Variants in USP53 observed in about 807,000 individuals in gnomAD.
USP53 encodes the protein ubiquitin specific peptidase 53, also known as ubiquitin carboxyl-terminal hydrolase 53.
Under a neutral mutation model 94.9 loss-of-function variants are expected in USP53, and 71 were observed. The ratio of observed to expected loss-of-function variants is 0.75; its 90% CI spans 0.62 to 0.91. USP53 has a LOEUF of 0.91. Among genes scored for constraint, USP53 ranks in the 40% least tolerant of loss-of-function variants. The probability of loss-of-function intolerance (pLI) is 0.00; values close to 1 mark genes in which losing one functional copy is unlikely to be tolerated. For missense variants in USP53, 1,173 were observed against 1,281.0 expected (o/e 0.92, Z 1.29); for synonymous variants, 375 against 422.7 (o/e 0.89, Z 1.39).
At chr4:119,215,437 G>A (rs1743583493) in intron 2 of USP53, among the ~76,000 whole-genome samples, 1 of 151,924 alleles carries the variant, frequency 6.6e-6, no homozygotes, top group African/African-American at 2.4e-5. Flanking sequence ...TTAATAATAA[G>A]AATACCATAG....
chr4:119,226,983 G>A (rs1489937505), intron 3 of USP53, among the ~76,000 whole-genome samples: 2 of 152,004 alleles, frequency 1.3e-5, no homozygotes, highest in Admixed American at 1.3e-4. Context: ...ATATAGGCAT[G>A]TGCCACCATG....
intron 7 of USP53, among the ~76,000 whole-genome samples, chr4:119,255,877 C>G (rs906635271): frequency 2.0e-5 from 3 of 152,110 alleles, no homozygotes; most frequent in Non-Finnish European, 4.4e-5. Context: ...ATTCAGCCAT[C>G]CAGGATTTTT....
At chr4:119,248,720 A>G (rs772283398) in intron 6 of USP53, 28 bp from the exon 7 acceptor site, 20 of 1,603,506 alleles carry the variant, frequency 1.2e-5, no homozygotes, top group Non-Finnish European at 1.6e-5. Flanking sequence ...CTGGCATTAA[A>G]CTTACTGATT....
chr4:119,291,228 C>A lies in USP53; in HGVS notation c.2315C>A (p.Ser772Ter). ...AAATCTCATGAATTCCACCCAGAAT[C>A]ACATTTACAAATAAAAAATCATTTG... ...GYKSHEFHPE[S>*]HLQIKNHLIK... Residue 772 changes from serine to a stop codon, truncating the protein, a stop_gained, in exon 18 of 19, where the codon TCA (serine) becomes TAA (stop). Coordinates refer to ENST00000692078, the MANE Select transcript of USP53 (RefSeq NM_001371395.1). LOFTEE classifies it low-confidence loss of function (END_TRUNC). 1.5e-6 allele frequency: 2 copies of A among 1,363,828 alleles called. No individual in the cohort carries two copies. Among genetic ancestry groups the A allele is most frequent in the Non-Finnish European group, 1.9e-6 (2 of 1,027,214 alleles). 84.5% of individuals were successfully genotyped at this position (1,363,828 alleles called of 1,614,324 possible). A position where few individuals can be genotyped will look rare whatever the true frequency, so the allele number is the denominator to read the frequency against.
chr4:119,236,606 A>G (rs1185895763), intron 4 of USP53, among the ~76,000 whole-genome samples: 2 of 152,214 alleles, frequency 1.3e-5, no homozygotes, highest in Non-Finnish European at 2.9e-5. Context: ...CAGCATCTTC[A>G]CCAGAAGTTG....
intron 12 of USP53, among the ~76,000 whole-genome samples, chr4:119,266,724 A>G (rs1337699169): frequency 2.0e-5 from 3 of 151,782 alleles, no homozygotes; most frequent in African/African-American, 7.2e-5. Context: ...TTTTTTTTCA[A>G]TTTCTTAATG....
Position 119,268,339 on chromosome 4 carries a change from A to G in USP53, c.1207A>G (p.Arg403Gly). The G allele has an allele frequency of 6.2e-7, 1 of 1,614,118 alleles. No homozygotes were observed. Among genetic ancestry groups the G allele is most frequent in the Non-Finnish European group, 8.5e-7 (1 of 1,179,974 alleles). Residue 403 changes from arginine to glycine, a missense_variant, in exon 14 of 19, where the codon AGA becomes GGA. Transcript: ENST00000692078. The stretch of plus-strand genomic sequence containing the variant: ...TGGATTTGGTGATCAGGCAAAGCAG[A>G]GAGAAAATCAGAAATTTCCAACTGA... ...ENGFGDQAKQRENQKFPTDNI... is the reference protein window; with the variant it reads ...ENGFGDQAKQGENQKFPTDNI...
intron 3 of USP53, chr4:119,219,104 A>C (rs1744175390): frequency 6.6e-6 from 1 of 152,208 alleles, no homozygotes; most frequent in Non-Finnish European, 1.5e-5. Context: ...TTTGATAATC[A>C]AAAAAATCCA....
intron 3 of USP53, chr4:119,220,551 A>G (rs1009458289): frequency 2.0e-5 from 3 of 152,338 alleles, no homozygotes; most frequent in East Asian, 1.9e-4. Context: ...TTAACAAGCC[A>G]TAAGTGAACT....
intron 9 of USP53, among the ~76,000 whole-genome samples, chr4:119,258,623 C>G (rs943961025): frequency 6.6e-6 from 1 of 152,132 alleles, no homozygotes; most frequent in African/African-American, 2.4e-5. Context: ...ACAGTCATGG[C>G]AGAAGGCAAG....
intron 4 of USP53, among the ~76,000 whole-genome samples, chr4:119,236,358 A>G (rs1000503078): frequency 2.0e-5 from 3 of 152,184 alleles, no homozygotes; most frequent in African/African-American, 7.2e-5. Flanking sequence ...CTTGATGTTG[A>G]TGGCTGCTGA....
At chr4:119,289,460 G>A in intron 17 of USP53, among the ~76,000 whole-genome samples, 1 of 152,158 alleles carries the variant, frequency 6.6e-6, no homozygotes, top group East Asian at 1.9e-4. Flanking sequence ...CTCTGAAAGG[G>A]TCTCGGAGAC....
chr4:119,263,302 C>A (rs976292687), intron 12 of USP53, among the ~76,000 whole-genome samples: 1 of 152,148 alleles, frequency 6.6e-6, no homozygotes, highest in Non-Finnish European at 1.5e-5. Context: ...ATAATTACCC[C>A]CTGCTTACTG....
intron 3 of USP53, among the ~76,000 whole-genome samples, chr4:119,232,373 G>A (rs1255629665): frequency 6.6e-6 from 1 of 152,106 alleles, no homozygotes; most frequent in Non-Finnish European, 1.5e-5. Flanking sequence ...CATTTCATAT[G>A]AATGGAATCA....
At position 119,233,050 on chromosome 4, in the gene USP53, G is replaced by T. The variant is rs116834040; in HGVS notation, c.-664-2240G>T. On this transcript the variant is annotated intron_variant, in intron 3 of 18. Coordinates refer to ENST00000692078, the MANE Select transcript of USP53 (RefSeq NM_001371395.1). ...TATTAATTTTGGTAATTTGTATTTT[G>T]CTAGGAAATTACCTGTTCCTTTTTA... Among the ~76,000 whole-genome samples the T allele has an allele frequency of 2.8e-3, 419 of 151,430 alleles. 1 individual carries two copies. Among genetic ancestry groups the T allele is most frequent in the African/African-American group, 9.8e-3 (404 of 41,282 alleles).
intron 12 of USP53, among the ~76,000 whole-genome samples, chr4:119,264,946 G>A (rs1244787506): frequency 6.6e-6 from 1 of 152,134 alleles, no homozygotes; most frequent in Non-Finnish European, 1.5e-5. Context: ...GCTATACAGT[G>A]GAATATAATA....
intron 17 of USP53, among the ~76,000 whole-genome samples, chr4:119,279,700 C>T (rs1185015465): frequency 6.6e-6 from 1 of 152,188 alleles, no homozygotes; most frequent in Non-Finnish European, 1.5e-5. Flanking sequence ...CTCCCCCAGC[C>T]TCGCTGTCGC....
At chr4:119,214,526 A>G (rs574612607) in intron 2 of USP53, among the ~76,000 whole-genome samples, 12 of 151,896 alleles carry the variant, frequency 7.9e-5, no homozygotes, top group African/African-American at 2.7e-4. Context: ...ATTCGTTAAT[A>G]TTTTCACTAA....
intron 17 of USP53, among the ~76,000 whole-genome samples, chr4:119,274,323 C>G (rs1752299634): frequency 6.7e-6 from 1 of 148,780 alleles, no homozygotes. Flanking sequence ...GTTCAATTCC[C>G]ACCTATGAGT....
Sources: allele counts gnomAD v4.1 joint callset (sites outside exome capture counted in the v4.1 genomes callset), GRCh38; gene constraint gnomAD v4.1.1; transcripts MANE v1.5; gene names NCBI Gene and HGNC (gene_info 2026-07-23, HGNC 2026-07-21).